Variants in DOCK5 observed in about 807,000 individuals in gnomAD.
DOCK5 encodes the protein dedicator of cytokinesis 5.
Under a neutral mutation model 251.8 loss-of-function variants are expected in DOCK5, and 142 were observed. That is an observed-to-expected ratio of 0.56 (90% CI 0.49 to 0.65). The LOEUF is 0.65. DOCK5 is among the 30% of genes least tolerant of loss of function. The pLI, the probability that DOCK5 is intolerant of heterozygous loss-of-function variation, is 0.00. For synonymous variants in DOCK5, 842 were observed against 835.5 expected, an observed-to-expected ratio of 1.01 and a Z score of -0.13; for missense variants, 2,111 against 2,312.3, an observed-to-expected ratio of 0.91 and a Z score of 1.79.
At chr8:25,222,745 A>C (rs1367141275) in intron 1 of DOCK5, among the ~76,000 whole-genome samples, 1 of 152,118 alleles carries the variant, frequency 6.6e-6, no homozygotes, top group Non-Finnish European at 1.5e-5. Context: ...TTCCGCAAGC[A>C]CCAAGCCCAT....
chr8:25,268,865 C>T lies in DOCK5; in HGVS notation c.148C>T (p.Leu50Phe). The T allele has an allele frequency of 2.6e-6, 4 of 1,561,738 alleles. No individual in the cohort carries two copies. Among genetic ancestry groups the T allele is most frequent in the Non-Finnish European group, 3.5e-6 (4 of 1,159,074 alleles). The stretch of plus-strand genomic sequence containing the variant: ...GACAGGTTGGTACAGAGGATATACC[C>T]TCCAAAATAAATCTAAAAAGGTATG... ...MYEGWYRGYTLQNKSKKGIFP... is the reference protein window; with the variant it reads ...MYEGWYRGYTFQNKSKKGIFP... Residue 50 changes from leucine to phenylalanine, a missense_variant, in exon 3 of 52, where the codon CTC becomes TTC. Leu to Phe is a conservative substitution (Grantham distance 22). Transcript: ENST00000276440.
intron 2 of DOCK5, among the ~76,000 whole-genome samples, chr8:25,267,690 CTGATGCTTTAGT>C (rs1300555358): frequency 6.6e-6 from 1 of 152,146 alleles, no homozygotes; most frequent in Non-Finnish European, 1.5e-5. Flanking sequence ...GATGACCACA[CTGATGCTTTAGT>C]TGATGGGCAT....
At chr8:25,377,132 G>A (rs866653906) in intron 37 of DOCK5, among the ~76,000 whole-genome samples, 173 bp from the exon 38 acceptor site, 1 of 152,182 alleles carries the variant, frequency 6.6e-6, no homozygotes, top group African/African-American at 2.4e-5. Flanking sequence ...CATTTGGCAT[G>A]ATACTCTTGT....
rs544895491 is a variant in DOCK5, at chr8:25,410,707, C to G, written c.5509-487C>G. 2.6e-4 allele frequency among the ~76,000 whole-genome samples: 36 copies of G among 138,466 alleles called. No homozygotes were observed. The East Asian group carries it at 3.2e-3, about 12-fold the overall frequency. 90.8% of individuals were successfully genotyped at this position (138,466 alleles called of 152,430 possible). On this transcript the variant is annotated intron_variant, in intron 51 of 51. Coordinates refer to ENST00000276440, the MANE Select transcript of DOCK5 (RefSeq NM_024940.8). Reference sequence around the variant, plus strand: ...AAACTCCTGGCCTCAAGTGATCCCCCCCACCCACCTCAGCCTTCCAAAGTG... The same window carrying G: ...AAACTCCTGGCCTCAAGTGATCCCCGCCACCCACCTCAGCCTTCCAAAGTG...
intron 2 of DOCK5, among the ~76,000 whole-genome samples, chr8:25,261,700 C>T (rs1803586431): frequency 1.3e-5 from 2 of 152,172 alleles, no homozygotes; most frequent in African/African-American, 2.4e-5. Context: ...GTATGCCTAA[C>T]ATTCCGATCA....
intron 40 of DOCK5, among the ~76,000 whole-genome samples, chr8:25,384,799 G>T (rs1257978427): frequency 6.6e-6 from 1 of 152,016 alleles, no homozygotes; most frequent in Admixed American, 6.6e-5. Flanking sequence ...CTGGCACAGT[G>T]GCTCACACCT....
chr8:25,369,440 G>C, intron 33 of DOCK5, 116 bp from the exon 34 acceptor site: 1 of 775,672 alleles, frequency 1.3e-6, no homozygotes, highest in South Asian at 1.8e-5. Flanking sequence ...GATCCTCCCT[G>C]TCTGTGCTGG....
intron 7 of DOCK5, 126 bp downstream of exon 7, chr8:25,296,774 G>A (rs1363317213): frequency 1.6e-6 from 2 of 1,216,644 alleles, no homozygotes; most frequent in Non-Finnish European, 2.3e-6. Flanking sequence ...TTTTAAAAGT[G>A]AAACATAGCA....
chr8:25,383,863 A>T (rs1337253935), intron 40 of DOCK5, among the ~76,000 whole-genome samples: 1 of 152,220 alleles, frequency 6.6e-6, no homozygotes, highest in Non-Finnish European at 1.5e-5. Context: ...TCAAAAATAA[A>T]TAAATAAATA....
At position 25,382,783 on chromosome 8, in the gene DOCK5, G is replaced by A; in HGVS notation, c.4131+5G>A. 6.2e-7 allele frequency: 1 copy of A among 1,607,892 alleles called. No individual in the cohort carries two copies. The highest frequency in any genetic ancestry group is 8.5e-7 in the Non-Finnish European group (1 of 1,175,826). ...GGCTTTCCTTCTTTCCTACGGGTAA[G>A]AAACCTGATGGTGGTCTCCCAGGCC... On this transcript the variant is annotated splice_donor_5th_base_variant and intron_variant, in intron 40 of 51. Transcript: ENST00000276440.
At chr8:25,408,245 A>T in intron 49 of DOCK5, 91 bp downstream of exon 49, 1 of 1,386,704 alleles carries the variant, frequency 7.2e-7, no homozygotes, top group East Asian at 2.5e-5. Flanking sequence ...CCCAGATTGA[A>T]GCTGGGCTAT....
chr8:25,335,319 C>T (rs577422914), intron 21 of DOCK5, among the ~76,000 whole-genome samples: 4 of 152,010 alleles, frequency 2.6e-5, no homozygotes, highest in African/African-American at 4.8e-5. Context: ...GTGATCATAC[C>T]GAGCCAAATG....
intron 16 of DOCK5, among the ~76,000 whole-genome samples, 168 bp from the exon 17 acceptor site, chr8:25,323,680 C>T (rs1279473543): frequency 2.0e-5 from 3 of 152,146 alleles, no homozygotes; most frequent in Non-Finnish European, 4.4e-5. Context: ...TTGGGGGTGC[C>T]AGGCAGTTTC....
intron 5 of DOCK5, among the ~76,000 whole-genome samples, chr8:25,289,352 A>C (rs571106171): frequency 6.6e-6 from 1 of 151,406 alleles, no homozygotes; most frequent in African/African-American, 2.4e-5. Context: ...AGGTCTCGCT[A>C]TGTTGCCCAG....
chr8:25,348,249 C>T (rs1464313087), intron 26 of DOCK5, among the ~76,000 whole-genome samples: 1 of 152,158 alleles, frequency 6.6e-6, no homozygotes, highest in Non-Finnish European at 1.5e-5. Flanking sequence ...CCCCACAGCT[C>T]TGTTTTGGAA....
intron 28 of DOCK5, among the ~76,000 whole-genome samples, chr8:25,360,151 G>GC (rs1800650840): frequency 1.3e-5 from 2 of 152,224 alleles, no homozygotes; most frequent in South Asian, 4.1e-4. Flanking sequence ...GATGGCCAGT[G>GC]CCCCCATGGA....
intron 10 of DOCK5, 103 bp downstream of exon 10, chr8:25,302,557 C>T (rs1804793751): frequency 7.2e-7 from 1 of 1,379,332 alleles, no homozygotes; most frequent in Non-Finnish European, 9.6e-7. Context: ...AATGATCCAG[C>T]TGCCCTGCTT....
chr8:25,262,687 AAT>A (rs1198382719), intron 2 of DOCK5, among the ~76,000 whole-genome samples: 1 of 152,120 alleles, frequency 6.6e-6, no homozygotes, highest in Admixed American at 6.6e-5. Context: ...TCTTTCAGCC[AAT>A]GTTTTATGCC....
chr8:25,392,282 C>T (rs948621050), intron 43 of DOCK5, among the ~76,000 whole-genome samples: 11 of 143,252 alleles, frequency 7.7e-5, no homozygotes, highest in African/African-American at 2.3e-4. Context: ...CCAGCATGGG[C>T]GACAGAGCGA....
Sources: gnomAD v4.1 joint callset for allele counts (sites outside exome capture counted in the v4.1 genomes callset) on GRCh38, gnomAD v4.1.1 for gene constraint, MANE v1.5 for transcripts, NCBI Gene and HGNC (gene_info 2026-07-23, HGNC 2026-07-21) for gene names.